Variants in SRCAP observed in about 807,000 individuals in gnomAD.
The protein encoded by SRCAP is chromatin remodeling protein SRCAP.
A neutral mutation model predicts 263.1 loss-of-function variants in SRCAP; 46 were observed. That is an observed-to-expected ratio of 0.17 (90% CI 0.14 to 0.22). The LOEUF is 0.22. Among genes scored for constraint, SRCAP ranks in the 10% least tolerant of loss-of-function variants. The probability of loss-of-function intolerance (pLI) is 1.00; values close to 1 mark genes in which losing one functional copy is unlikely to be tolerated. For missense variants in SRCAP, 3,695 were observed against 4,181.9 expected (o/e 0.88, Z 3.21); for synonymous variants, 1,813 against 1,662.1 (o/e 1.09, Z -2.21).
chr16:30,730,773 T>A (rs1351492494), intron 27 of SRCAP, among the ~76,000 whole-genome samples: 2 of 150,242 alleles, frequency 1.3e-5, no homozygotes, highest in African/African-American at 4.9e-5. Flanking sequence ...TTTCAAGGTA[T>A]TCTCCTGCCT....
intron 16 of SRCAP, among the ~76,000 whole-genome samples, chr16:30,714,107 C>T (rs2052920741): frequency 6.6e-6 from 1 of 150,900 alleles, no homozygotes; most frequent in African/African-American, 2.4e-5. Context: ...CTCTGTCGCC[C>T]AGGCTGGAGT....
chr16:30,738,894 G>A lies in SRCAP; in HGVS notation c.8854G>A (p.Gly2952Arg). 1.9e-6 allele frequency: 3 copies of A among 1,614,092 alleles called. No homozygotes were observed. The highest frequency in any genetic ancestry group is 2.5e-6 in the Non-Finnish European group (3 of 1,180,022). The change falls in exon 34 of 34, where the codon GGG (glycine) becomes AGG (arginine). Residue 2952 changes from glycine to arginine, a missense_variant. Physicochemically the swap from Gly to Arg is moderately radical, Grantham distance 125. Around this residue, in one of 12 missense-constraint regions of SRCAP, gnomAD observed 1,207 missense variants for 1,142.9 expected, o/e 1.06. Coordinates refer to ENST00000262518, the MANE Select transcript of SRCAP (RefSeq NM_006662.3). Reference sequence around the variant, plus strand: ...TAAAGCACGAGATTTGCCCATCCCTGGGACCATTTCCTCTGCAGGGGATGG... The same window carrying A: ...TAAAGCACGAGATTTGCCCATCCCTAGGACCATTTCCTCTGCAGGGGATGG... The part of the protein sequence containing the change: ...PPKARDLPIP[G>R]TISSAGDGNS...
chr16:30,736,318 A>G lies in SRCAP; in HGVS notation c.6848A>G (p.Glu2283Gly). The G allele has an allele frequency of 6.2e-7, 1 of 1,614,106 alleles. No individual in the cohort carries two copies. Among genetic ancestry groups the G allele is most frequent in the Non-Finnish European group, 8.5e-7 (1 of 1,180,002 alleles). Residue 2283 changes from glutamate to glycine, a missense_variant, in exon 32 of 34, where the codon GAG (glutamate) becomes GGG (glycine). Glu to Gly is a moderately conservative substitution (Grantham distance 98). Around this residue, in one of 12 missense-constraint regions of SRCAP, gnomAD observed 91 missense variants for 150.6 expected, o/e 0.60. Coordinates refer to ENST00000262518, the MANE Select transcript of SRCAP (RefSeq NM_006662.3). ...ENDGFPAGEG[E>G]EAGRPGAEDE... ...GATGGGTTTCCTGCTGGTGAGGGAG[A>G]GGAAGCTGGCCGGCCTGGGGCTGAG...
At position 30,707,175 on chromosome 16, in the gene SRCAP, C is replaced by T; in HGVS notation, c.307-8C>T. 6.2e-7 allele frequency: 1 copy of T among 1,613,872 alleles called. No homozygotes were observed. Among genetic ancestry groups the T allele is most frequent in the South Asian group, 1.1e-5 (1 of 91,050 alleles). The stretch of plus-strand genomic sequence containing the variant: ...GAACTGTTGATTGATCTGGCTCTCC[C>T]TGATTAGGAGGCCGAGATCGAGACT... On this transcript the variant is annotated splice_region_variant and splice_polypyrimidine_tract_variant and intron_variant, in intron 4 of 33. Coordinates refer to ENST00000262518, the MANE Select transcript of SRCAP (RefSeq NM_006662.3).
intron 33 of SRCAP, 64 bp downstream of exon 33, chr16:30,736,688 T>A: frequency 1.3e-6 from 2 of 1,556,888 alleles, no homozygotes; most frequent in Non-Finnish European, 1.8e-6. Context: ...TTTTCTCTTT[T>A]TTTTGAGACA....
chr16:30,736,954 G>A (rs1340487521), intron 33 of SRCAP, 95 bp from the exon 34 acceptor site: 23 of 1,377,346 alleles, frequency 1.7e-5, no homozygotes, highest in Admixed American at 2.3e-5. Flanking sequence ...AATTACAGGC[G>A]TGAGCCACCG....
intron 27 of SRCAP, among the ~76,000 whole-genome samples, chr16:30,730,776 T>C (rs1197435877): frequency 6.7e-6 from 1 of 149,404 alleles, no homozygotes; most frequent in African/African-American, 2.5e-5. Flanking sequence ...CAAGGTATTC[T>C]CCTGCCTCAG....
intron 25 of SRCAP, among the ~76,000 whole-genome samples, chr16:30,727,146 A>C (rs1227813140): frequency 6.6e-6 from 1 of 151,644 alleles, no homozygotes; most frequent in Admixed American, 6.6e-5. Flanking sequence ...GCACATCATC[A>C]CTTTGATTAT....
At position 30,739,589 on chromosome 16, in the gene SRCAP, G is replaced by T; in HGVS notation, c.9549G>T (p.Gly3183=). Reference sequence around the variant, plus strand: ...AAGCCTCAGGTGAGGAGGAGGAAGGGGATGGGACCCCACGCCGACGTCCTG... The same window carrying T: ...AAGCCTCAGGTGAGGAGGAGGAAGGTGATGGGACCCCACGCCGACGTCCTG... ...EAEASGEEEE[G]DGTPRRRPGP... The change falls in exon 34 of 34, where the codon GGG becomes GGT. Residue 3183 remains glycine, a synonymous_variant. Transcript: ENST00000262518. 1 of 1,602,828 alleles carries T rather than the reference G, an allele frequency of 6.2e-7. No homozygotes were observed. Among genetic ancestry groups the T allele is most frequent in the African/African-American group, 1.3e-5 (1 of 74,728 alleles).
At chr16:30,712,196 A>C in intron 12 of SRCAP, 39 bp downstream of exon 12, 1 of 1,603,970 alleles carries the variant, frequency 6.2e-7, no homozygotes, top group African/African-American at 1.3e-5. Flanking sequence ...TCATGTCTTG[A>C]CTTTCTCATG....
Position 30,711,555 on chromosome 16 carries a change from T to TA in SRCAP, c.1319-16_1319-15insA. The TA allele has an allele frequency of 6.4e-7, 1 of 1,568,706 alleles. No homozygotes were observed. The highest frequency in any genetic ancestry group is 8.6e-7 in the Non-Finnish European group (1 of 1,160,788). ...CTCCCCTCAGAGCAACCAAAAGCTTTTTGTTTCTCTTCCAGGTGAGCTTTC... is the reference window on the plus strand; with the variant it reads ...CTCCCCTCAGAGCAACCAAAAGCTTTATTGTTTCTCTTCCAGGTGAGCTTTC... On this transcript the variant is annotated splice_polypyrimidine_tract_variant and intron_variant, in intron 10 of 33. Transcript: ENST00000262518.
intron 5 of SRCAP, 43 bp from the exon 6 acceptor site, chr16:30,707,529 G>C: frequency 6.2e-7 from 1 of 1,608,868 alleles, no homozygotes; most frequent in East Asian, 2.2e-5. Context: ...GGGTGGGGAA[G>C]TCTGGCTTTG....
In SRCAP at chr16:30,736,385, C is replaced by T. The variant is rs915038749; in HGVS notation, c.6915C>T (p.Leu2305=). ...MSRAEQEIAA[L]VEQLTPIERY... The stretch of plus-strand genomic sequence containing the variant: ...GGGCTGAGCAGGAAATTGCTGCCCT[C>T]GTAGAACAGGTCAGTGCTGGACCCA... Residue 2305 remains leucine (L), a synonymous_variant, in exon 32 of 34, where the codon CTC becomes CTT. Coordinates refer to ENST00000262518, the MANE Select transcript of SRCAP (RefSeq NM_006662.3). The T allele has an allele frequency of 2.9e-5, 46 of 1,612,202 alleles. No individual in the cohort carries two copies. Among genetic ancestry groups the T allele is most frequent in the Non-Finnish European group, 3.6e-5 (43 of 1,178,880 alleles).
At chr16:30,707,090 C>T (rs2052835854) in intron 4 of SRCAP, 93 bp from the exon 5 acceptor site, 1 of 1,294,790 alleles carries the variant, frequency 7.7e-7, no homozygotes, top group Non-Finnish European at 1.1e-6. Flanking sequence ...AAGCATAACA[C>T]ACTCAGCCCA....
At position 30,737,278 on chromosome 16, in the gene SRCAP, C is replaced by T. The variant is rs768912555; in HGVS notation, c.7238C>T (p.Pro2413Leu). 9.9e-6 allele frequency: 16 copies of T among 1,613,972 alleles called. No homozygotes were observed. The highest frequency in any genetic ancestry group is 1.7e-5 in the Admixed American group (1 of 59,990). Residue 2413 changes from proline (P) to leucine (L), a missense_variant, in exon 34 of 34, where the codon CCT becomes CTT. By Grantham distance (98) the Pro-to-Leu change is moderately conservative. Around this residue, in one of 12 missense-constraint regions of SRCAP, gnomAD observed 1,207 missense variants for 1,142.9 expected, o/e 1.06. Transcript: ENST00000262518. ...GAGACTCAAGGGGCAAACCACACTC[C>T]TGTCATATCCGCCCATCAAACTCGC... ...RAETQGANHTPVISAHQTRST... is the reference protein window; with the variant it reads ...RAETQGANHTLVISAHQTRST...
Position 30,737,120 on chromosome 16 carries a change from G to T in SRCAP, c.7080G>T (p.Glu2360Asp), listed in dbSNP as rs1356401425. The T allele has an allele frequency of 4.3e-6, 7 of 1,613,624 alleles. No individual in the cohort carries two copies. The highest frequency in any genetic ancestry group is 5.1e-6 in the Non-Finnish European group (6 of 1,179,794). The change falls in exon 34 of 34, where the codon GAG becomes GAT. Residue 2360 changes from glutamate (E) to aspartate (D), a missense_variant. Physicochemically the swap from Glu to Asp is conservative, Grantham distance 45. Around this residue, in one of 12 missense-constraint regions of SRCAP, gnomAD observed 91 missense variants for 150.6 expected, o/e 0.60. Transcript: ENST00000262518. ...AGGTGTTCCGCCTACCCCAAGAGGA[G>T]GAGGAGGGGCCGGGGGCTGGGGATG... ...KEEVFRLPQE[E>D]EEGPGAGDES... is the part of the protein sequence containing the mutation.
chr16:30,721,468 G>T lies in SRCAP; in HGVS notation c.3533G>T (p.Arg1178Leu). The T allele has an allele frequency of 6.2e-7, 1 of 1,609,142 alleles. No individual in the cohort carries two copies. The highest frequency in any genetic ancestry group is 8.5e-7 in the Non-Finnish European group (1 of 1,179,854). ...ATTCTATCTCCCGATATGCAGGCTC[G>T]CCTGCCCTGTAAGTTCCCAGGGCTC... Reference protein sequence around the residue: ...RLILSPDMQARLPSGEVVSIG... With the variant: ...RLILSPDMQALLPSGEVVSIG... Residue 1178 changes from arginine to leucine, a missense_variant, in exon 21 of 34, where the codon CGC (arginine) becomes CTC (leucine). Arg to Leu is a moderately radical substitution (Grantham distance 102, BLOSUM62 -2). This residue lies in a region of SRCAP where 1,347 missense variants were observed against 1,304.4 expected (regional missense o/e 1.03). Coordinates refer to ENST00000262518, the MANE Select transcript of SRCAP (RefSeq NM_006662.3).
chr16:30,734,138 T>C (rs776446007), intron 30 of SRCAP, 130 bp downstream of exon 30: 2 of 800,860 alleles, frequency 2.5e-6, no homozygotes, highest in Non-Finnish European at 3.9e-6. Flanking sequence ...AGGCCAGGAG[T>C]TGGAGACCAG....
rs1273375131 is a variant in SRCAP, at chr16:30,740,856, C to T, written c.*1123C>T. On this transcript the variant is annotated 3_prime_UTR_variant, in exon 34 of 34. Coordinates refer to ENST00000262518, the MANE Select transcript of SRCAP (RefSeq NM_006662.3). ...GGCACACATCATTCTTTGCTCTCTA[C>T]TTGTCTCGCCCCTTTCACCTTTCCT... is the stretch of plus-strand genomic sequence containing the variant. The T allele has an allele frequency of 3.9e-5, 6 of 152,332 alleles. No individual in the cohort carries two copies. 9.4% of individuals were successfully genotyped at this position (152,332 alleles called of 1,614,324 possible).
Sources: gnomAD v4.1 joint callset for allele counts (sites outside exome capture counted in the v4.1 genomes callset) on GRCh38, gnomAD v4.1.1 for gene constraint, gnomAD v4.1.1 regional missense constraint, MANE v1.5 for transcripts, NCBI Gene and HGNC (gene_info 2026-07-23, HGNC 2026-07-21) for gene names.